ERC2: variants seen among roughly 807,000 people sequenced by gnomAD.
The protein encoded by ERC2 is ERC protein 2.
In ERC2, 42 loss-of-function variants were observed where a neutral mutation model predicts 114.8. The ratio of observed to expected loss-of-function variants is 0.37; its 90% confidence interval spans 0.29 to 0.47. The LOEUF is 0.47. Ranked by LOEUF, ERC2 falls within the 20% of genes least tolerant of loss-of-function variation. ERC2 has a pLI of 0.99. For missense variants in ERC2, 939 were observed against 1,150.7 expected, an observed-to-expected ratio of 0.82 and a Z score of 2.66; for synonymous variants, 454 against 425.5, an observed-to-expected ratio of 1.07 and a Z score of -0.82.
At chr3:55,538,973 G>T (rs75002333) in intron 17 of ERC2, among the ~76,000 whole-genome samples, 2,798 of 152,270 alleles carry the variant, frequency 0.018, 73 homozygotes, top group African/African-American at 0.063. Flanking sequence ...TTGGGTGGGC[G>T]TACAGAGCCT....
At chr3:55,857,817 C>T (rs182182513) in intron 14 of ERC2, among the ~76,000 whole-genome samples, 3 of 152,258 alleles carry the variant, frequency 2.0e-5, no homozygotes, top group Admixed American at 2.0e-4. Context: ...ACTCGATTTT[C>T]AATGATTTGC....
intron 14 of ERC2, among the ~76,000 whole-genome samples, chr3:55,773,716 T>C (rs1398850588): frequency 2.0e-5 from 3 of 152,252 alleles, no homozygotes; most frequent in Admixed American, 2.0e-4. Context: ...AGTGCTTCCA[T>C]TTCAATTTGT....
intron 13 of ERC2, among the ~76,000 whole-genome samples, chr3:55,904,824 GAAAGA>G (rs1318456992): frequency 7.9e-5 from 12 of 152,164 alleles, no homozygotes; most frequent in Non-Finnish European, 1.6e-4. Context: ...AATTTAGACA[GAAAGA>G]AAAGCATGAC....
At chr3:55,608,766 A>G (rs1575752935) in intron 17 of ERC2, among the ~76,000 whole-genome samples, 1 of 152,234 alleles carries the variant, frequency 6.6e-6, no homozygotes. Flanking sequence ...GTCATTTAAC[A>G]GAGACTTTGT....
At chr3:56,322,996 T>C (rs923561259) in intron 2 of ERC2, among the ~76,000 whole-genome samples, 1 of 152,154 alleles carries the variant, frequency 6.6e-6, no homozygotes, top group Non-Finnish European at 1.5e-5. Context: ...ACTATATTAG[T>C]TACCTTGAGA....
intron 17 of ERC2, among the ~76,000 whole-genome samples, chr3:55,681,754 C>G (rs552884195): frequency 6.6e-6 from 1 of 152,110 alleles, no homozygotes; most frequent in Non-Finnish European, 1.5e-5. Flanking sequence ...GGGAAATTCA[C>G]GAAGAAATAA....
At chr3:55,982,970 T>C (rs549918137) in intron 12 of ERC2, among the ~76,000 whole-genome samples, 140 of 152,364 alleles carry the variant, frequency 9.2e-4, no homozygotes, top group African/African-American at 3.3e-3. Context: ...AGCTCACGCC[T>C]GCTGCCAGGC....
At chr3:55,762,870 T>G (rs953798516) in intron 14 of ERC2, among the ~76,000 whole-genome samples, 3 of 152,230 alleles carry the variant, frequency 2.0e-5, no homozygotes, top group Non-Finnish European at 4.4e-5. Context: ...AGGACCTGAA[T>G]TATTTCACAT....
intron 13 of ERC2, among the ~76,000 whole-genome samples, chr3:55,946,830 T>C (rs1169349801): frequency 6.6e-6 from 1 of 152,186 alleles, no homozygotes; most frequent in African/African-American, 2.4e-5. Flanking sequence ...TTCCTGTAGA[T>C]AGTGGTGATT....
intron 3 of ERC2, among the ~76,000 whole-genome samples, chr3:56,217,216 G>A (rs972022278): frequency 2.0e-4 from 31 of 152,186 alleles, no homozygotes; most frequent in African/African-American, 4.3e-4. Flanking sequence ...GTTTGCAGAT[G>A]ACATGATTGT....
At chr3:55,801,628 G>A (rs13082945) in intron 14 of ERC2, among the ~76,000 whole-genome samples, 1,717 of 152,320 alleles carry the variant, frequency 0.011, 26 homozygotes, top group Non-Finnish European at 0.012. Context: ...GATACCCAGA[G>A]GGAATCCTAA....
At chr3:56,358,611 T>C (rs561287957) in intron 2 of ERC2, among the ~76,000 whole-genome samples, 178 of 152,352 alleles carry the variant, frequency 1.2e-3, no homozygotes, top group African/African-American at 3.9e-3. Flanking sequence ...TCCAAAAATG[T>C]GCAACAGATA....
intron 17 of ERC2, among the ~76,000 whole-genome samples, chr3:55,642,607 G>A (rs1165588731): frequency 3.9e-5 from 6 of 152,038 alleles, no homozygotes. Flanking sequence ...GGGATTACAG[G>A]TGTGATCCAC....
chr3:56,420,906 A>AAAAG lies in ERC2; in HGVS notation c.657+13441_657+13444dup, dbSNP rs997979406. On this transcript the variant is annotated intron_variant, in intron 2 of 17. Transcript: ENST00000288221. ...AGCAAGACTCCGTCTCAAAAAAAAA[A>AAAAG]AAAGAAAGAAAGAAAGAAAGAAACT... 6.9e-4 allele frequency among the ~76,000 whole-genome samples: 105 copies of AAAAG among 152,040 alleles called. 1 individual carries two copies. The East Asian group carries it at 0.01, about 15-fold the overall frequency.
intron 17 of ERC2, among the ~76,000 whole-genome samples, chr3:55,663,630 C>T (rs2061233511): frequency 6.6e-6 from 1 of 152,158 alleles, no homozygotes; most frequent in Admixed American, 6.5e-5. Context: ...TTTCGGAGGG[C>T]AAGTTGGAAA....
At chr3:56,043,246 C>T (rs1478359944) in intron 7 of ERC2, among the ~76,000 whole-genome samples, 1 of 152,032 alleles carries the variant, frequency 6.6e-6, no homozygotes, top group Non-Finnish European at 1.5e-5. Context: ...TCTAGTTTTT[C>T]AACATTTTGT....
At chr3:56,267,101 T>C (rs1447854930) in intron 3 of ERC2, among the ~76,000 whole-genome samples, 1 of 152,188 alleles carries the variant, frequency 6.6e-6, no homozygotes, top group Non-Finnish European at 1.5e-5. Flanking sequence ...TTTGCATTAT[T>C]CTTAACAGTT....
intron 16 of ERC2, among the ~76,000 whole-genome samples, chr3:55,689,623 T>C (rs1274484499): frequency 6.6e-6 from 1 of 152,102 alleles, no homozygotes; most frequent in Non-Finnish European, 1.5e-5. Context: ...ATTTCCTTCA[T>C]GGTAGGCAAT....
chr3:56,285,032 TACA>T (rs2054596592), intron 3 of ERC2, among the ~76,000 whole-genome samples: 1 of 106,782 alleles, frequency 9.4e-6, no homozygotes, highest in Non-Finnish European at 1.9e-5. Flanking sequence ...CACACACACA[TACA>T]CACACACACA....
Sources: allele counts gnomAD v4.1 joint callset (sites outside exome capture counted in the v4.1 genomes callset), GRCh38; gene constraint gnomAD v4.1.1; transcripts MANE v1.5; gene names NCBI Gene and HGNC (gene_info 2026-07-23, HGNC 2026-07-21).